The following HAUS4 variants were observed in gnomAD, a reference collection of about 807,000 sequenced individuals.
The protein encoded by HAUS4 is HAUS augmin like complex subunit 4.
In HAUS4, 34 loss-of-function variants were observed where a neutral mutation model predicts 50.6. The observed-to-expected ratio is 0.67, with a 90% CI of 0.51 to 0.90. The LOEUF is 0.90. Ranked by LOEUF, HAUS4 falls within the 40% of genes least tolerant of loss-of-function variation. HAUS4 has a pLI of 0.00. For synonymous variants in HAUS4, 149 were observed against 161.4 expected, an observed-to-expected ratio of 0.92 and a Z score of 0.58; for missense variants, 370 against 428.7, an observed-to-expected ratio of 0.86 and a Z score of 1.21.
intron 6 of HAUS4, chr14:22,948,219 C>A: frequency 1.8e-6 from 1 of 543,230 alleles, no homozygotes; most frequent in Non-Finnish European, 3.2e-6. Context: ...GAGGCCAAGG[C>A]AGGAGGATTG....
At chr14:22,953,367 G>A (rs989097620) in intron 2 of HAUS4, among the ~76,000 whole-genome samples, 1 of 151,942 alleles carries the variant, frequency 6.6e-6, no homozygotes. Flanking sequence ...GAACTCTTGG[G>A]CTCAAGTGAT....
chr14:22,956,271 T>C (rs2044862188), intron 1 of HAUS4, among the ~76,000 whole-genome samples: 1 of 152,164 alleles, frequency 6.6e-6, no homozygotes, highest in Non-Finnish European at 1.5e-5. Context: ...TGCCAAACTT[T>C]TCCCACCTGC....
rs753069709 is a variant in HAUS4, at chr14:22,955,203, C to T, written c.-22-27G>A. 6 of 1,346,054 alleles carry T rather than the reference C, an allele frequency of 4.5e-6. No homozygotes were observed. The South Asian group carries it at 7.0e-5, about 16-fold the overall frequency. 83.4% of individuals were successfully genotyped at this position (1,346,054 alleles called of 1,614,324 possible). ...TGTGGAACCAAGAAGTGAAAGAAAA[C>T]AAAAAGATGAATAAACAGCTGGCTG... On this transcript the variant is annotated intron_variant, in intron 1 of 9. Transcript: ENST00000541587.
Position 22,950,350 on chromosome 14 carries a change from A to T in HAUS4, c.526T>A (p.Cys176Ser). 1 of 1,612,946 alleles carries T rather than the reference A, an allele frequency of 6.2e-7. No individual in the cohort carries two copies. The highest frequency in any genetic ancestry group is 8.5e-7 in the Non-Finnish European group (1 of 1,178,978). Residue 176 changes from cysteine to serine, a missense_variant, in exon 6 of 10, where the codon TGT becomes AGT. By Grantham distance (112) the Cys-to-Ser change is moderately radical. Transcript: ENST00000541587. ...QEVEEQLKKK[C>S]FTLLCYYDPN... ...TCATAGTAGCAGAGCAGAGTGAAAC[A>T]TTTCTTTTTGAGCTGCTCCTCTACT...
At chr14:22,947,062 G>A in intron 9 of HAUS4, 109 bp downstream of exon 9, 1 of 771,956 alleles carries the variant, frequency 1.3e-6, no homozygotes, top group South Asian at 1.5e-5. Flanking sequence ...GGGATTACAG[G>A]TGTGAGCCAC....
chr14:22,953,087 T>G (rs540828306), intron 2 of HAUS4, among the ~76,000 whole-genome samples: 1 of 152,310 alleles, frequency 6.6e-6, no homozygotes, highest in South Asian at 2.1e-4. Context: ...GGATGTGATA[T>G]GTAGTCGCAT....
chr14:22,956,195 C>G (rs2044860407), intron 1 of HAUS4, among the ~76,000 whole-genome samples: 1 of 152,178 alleles, frequency 6.6e-6, no homozygotes, highest in South Asian at 2.1e-4. Context: ...AGGCAGAATG[C>G]TGGGACTTAA....
chr14:22,947,160 G>C lies in HAUS4; in HGVS notation c.908+11C>G. 4 of 1,526,588 alleles carry C rather than the reference G, an allele frequency of 2.6e-6. No homozygotes were observed. Among genetic ancestry groups the C allele is most frequent in the Non-Finnish European group, 3.6e-6 (4 of 1,100,220 alleles). 94.6% of individuals were successfully genotyped at this position (1,526,588 alleles called of 1,614,324 possible). ...TGTGAACAGCTGTACCAGACTCTTA[G>C]GAGTTCTCACCTAATCAGACGATGA... On this transcript the variant is annotated intron_variant, in intron 9 of 9. Coordinates refer to ENST00000541587, the MANE Select transcript of HAUS4 (RefSeq NM_001166269.2).
rs758177166 is a variant in HAUS4 at position 22,952,594 on chromosome 14, G to C, written c.145C>G (p.Gln49Glu). The C allele has an allele frequency of 2.5e-6, 4 of 1,613,856 alleles. No individual in the cohort carries two copies. The African/African-American group carries it at 5.3e-5, about 22-fold the overall frequency. The change falls in exon 3 of 10, where the codon CAG becomes GAG. Residue 49 changes from glutamine (Q) to glutamate (E), a missense_variant. Gln to Glu is a conservative substitution (Grantham distance 29). Coordinates refer to ENST00000541587, the MANE Select transcript of HAUS4 (RefSeq NM_001166269.2). ...YFSKLLLNLS[Q>E]HVDESGLSLT... ...CTTAAGCCACTCTCATCCACATGCTGTGAGAGATTCAGGAGAAGCTTGCTG... is the reference window on the plus strand; with the variant it reads ...CTTAAGCCACTCTCATCCACATGCTCTGAGAGATTCAGGAGAAGCTTGCTG...
chr14:22,947,823 T>G, intron 7 of HAUS4, 45 bp downstream of exon 7: 1 of 1,611,008 alleles, frequency 6.2e-7, no homozygotes, highest in Non-Finnish European at 8.5e-7. Context: ...AAAGTGCTCC[T>G]GGGGTCAGGA....
intron 2 of HAUS4, among the ~76,000 whole-genome samples, chr14:22,953,561 T>A (rs6572874): frequency 0.1 from 15,627 of 152,078 alleles, 1,068 homozygotes; most frequent in African/African-American, 0.2. Flanking sequence ...TTCTCCTGCC[T>A]CAGCCTCCCG....
At position 22,952,695 on chromosome 14, in the gene HAUS4, G is replaced by A; in HGVS notation, c.56-12C>T. 6.4e-7 allele frequency: 1 copy of A among 1,572,420 alleles called. No homozygotes were observed. Among genetic ancestry groups the A allele is most frequent in the East Asian group, 2.2e-5 (1 of 44,446 alleles). On this transcript the variant is annotated splice_polypyrimidine_tract_variant and intron_variant, in intron 2 of 9. Coordinates refer to ENST00000541587, the MANE Select transcript of HAUS4 (RefSeq NM_001166269.2). ...TTGTTTGCTGCACACTTAACATCAT[G>A]TCCCCACAGGTACAAAAAAACAAAA... is the stretch of plus-strand genomic sequence containing the variant.
chr14:22,956,056 A>G (rs1376715601), intron 1 of HAUS4, among the ~76,000 whole-genome samples: 1 of 152,188 alleles, frequency 6.6e-6, no homozygotes, highest in African/African-American at 2.4e-5. Flanking sequence ...CTGAACAGGC[A>G]TTGAAGGTTA....
At position 22,952,444 on chromosome 14, in the gene HAUS4, G is replaced by C; in HGVS notation, c.214C>G (p.Arg72Gly). 2 of 1,614,002 alleles carry C rather than the reference G, an allele frequency of 1.2e-6. No homozygotes were observed. The highest frequency in any genetic ancestry group is 1.7e-6 in the Non-Finnish European group (2 of 1,179,952). Residue 72 changes from arginine (R) to glycine (G), a missense_variant, in exon 4 of 10, where the codon CGA (arginine) becomes GGA (glycine). By Grantham distance (125) the Arg-to-Gly change is moderately radical. Coordinates refer to ENST00000541587, the MANE Select transcript of HAUS4 (RefSeq NM_001166269.2). ...CTCAACCATGTTGTCTTATGCAGTC[G>C]AACTTCCTTCCATGCCTAGAAATCC... ...KEQAQAWKEVRLHKTTWLRSE... is the reference protein window; with the variant it reads ...KEQAQAWKEVGLHKTTWLRSE...
chr14:22,946,427 T>G lies in HAUS4; in HGVS notation c.*98A>C, dbSNP rs1367932501. The stretch of plus-strand genomic sequence containing the variant: ...CAAGCGTAAGCATTTCCACACTCCC[T>G]TGTACTGAAGGCAGCCCCAGGTGAA... On this transcript the variant is annotated 3_prime_UTR_variant, in exon 10 of 10. Coordinates refer to ENST00000541587, the MANE Select transcript of HAUS4 (RefSeq NM_001166269.2). 4.2e-5 allele frequency: 38 copies of G among 896,666 alleles called. No individual in the cohort carries two copies. Among genetic ancestry groups the G allele is most frequent in the Non-Finnish European group, 6.3e-5 (37 of 586,710 alleles). 55.5% of individuals were successfully genotyped at this position (896,666 alleles called of 1,614,324 possible).
At chr14:22,946,841 T>C (rs2044652172) in intron 9 of HAUS4, 133 bp from the exon 10 acceptor site, 1 of 630,334 alleles carries the variant, frequency 1.6e-6, no homozygotes, top group African/African-American at 1.9e-5. Flanking sequence ...TGGAGTGCAG[T>C]GGTATGATCT....
At position 22,947,203 on chromosome 14, in the gene HAUS4, A is replaced by C; in HGVS notation, c.876T>G (p.Thr292=). The part of the protein sequence containing the change: ...EELKILSDTY[T]VEKVEVHRLI... The stretch of plus-strand genomic sequence containing the variant: ...GACGATGAACTTCCACTTTCTCAAC[A>C]GTGTAAGTGTCGGACAAAATCTTTA... Residue 292 remains threonine (T), a synonymous_variant, in exon 9 of 10, where the codon ACT becomes ACG. Transcript: ENST00000541587. 1 of 1,608,250 alleles carries C rather than the reference A, an allele frequency of 6.2e-7. No individual in the cohort carries two copies. The highest frequency in any genetic ancestry group is 8.5e-7 in the Non-Finnish European group (1 of 1,174,982).
At chr14:22,950,150 A>C (rs1404489829) in intron 6 of HAUS4, among the ~76,000 whole-genome samples, 164 bp downstream of exon 6, 1 of 151,850 alleles carries the variant, frequency 6.6e-6, no homozygotes, top group Non-Finnish European at 1.5e-5. Flanking sequence ...AAAACAAAAA[A>C]ACAAAAAGTC....
Position 22,955,184 on chromosome 14 carries a change from AC to A in HAUS4, c.-22-9del. On this transcript the variant is annotated splice_polypyrimidine_tract_variant and intron_variant, in intron 1 of 9. Coordinates refer to ENST00000541587, the MANE Select transcript of HAUS4 (RefSeq NM_001166269.2). Reference sequence around the variant, plus strand: ...TTTTCTTGGGATTCTAATCTGTGGAACCAAGAAGTGAAAGAAAACAAAAAGA... The same window carrying A: ...TTTTCTTGGGATTCTAATCTGTGGAACAAGAAGTGAAAGAAAACAAAAAGA... 1 of 1,546,602 alleles carries A rather than the reference AC, an allele frequency of 6.5e-7. No individual in the cohort carries two copies. The highest frequency in any genetic ancestry group is 8.9e-7 in the Non-Finnish European group (1 of 1,118,272).
Sources: gnomAD v4.1 joint callset for allele counts (sites outside exome capture counted in the v4.1 genomes callset) on GRCh38, gnomAD v4.1.1 for gene constraint, MANE v1.5 for transcripts, NCBI Gene and HGNC (gene_info 2026-07-23, HGNC 2026-07-21) for gene names.